Variants in NAALADL2 observed in about 807,000 individuals in gnomAD.
NAALADL2 encodes the protein inactive N-acetylated-alpha-linked acidic dipeptidase-like protein 2.
Under a neutral mutation model 87.2 loss-of-function variants are expected in NAALADL2, and 76 were observed. The observed-to-expected ratio is 0.87, with a 90% CI of 0.72 to 1.05. The LOEUF is 1.05. Ranked by LOEUF, NAALADL2 falls within the 50% of genes least tolerant of loss-of-function variation. NAALADL2 has a pLI of 0.00. For synonymous variants in NAALADL2, 354 were observed against 331.0 expected, an observed-to-expected ratio of 1.07 and a Z score of -0.75; for missense variants, 1,089 against 945.8, an observed-to-expected ratio of 1.15 and a Z score of -1.99.
At chr3:174,671,101 A>G (rs757338156) in intron 2 of NAALADL2, among the ~76,000 whole-genome samples, 1 of 152,092 alleles carries the variant, frequency 6.6e-6, no homozygotes, top group Non-Finnish European at 1.5e-5. Flanking sequence ...TGCCAGCGTC[A>G]TGCTTTCTGT....
intron 5 of NAALADL2, among the ~76,000 whole-genome samples, chr3:175,433,672 A>G (rs1718151242): frequency 6.6e-6 from 1 of 152,016 alleles, no homozygotes; most frequent in African/African-American, 2.4e-5. Context: ...GCAAAGCATT[A>G]CCTTAGACTT....
chr3:174,828,094 G>T (rs1169843193), intron 3 of NAALADL2, among the ~76,000 whole-genome samples: 2 of 152,158 alleles, frequency 1.3e-5, no homozygotes, highest in South Asian at 2.1e-4. Flanking sequence ...GAGGCCAAAG[G>T]ATTGCTTGAG....
intron 9 of NAALADL2, among the ~76,000 whole-genome samples, chr3:175,504,565 T>TTCTCTCTCTCTC (rs200985901): frequency 3.0e-5 from 4 of 134,424 alleles, no homozygotes; most frequent in Non-Finnish European, 4.8e-5. Context: ...CTCTCTCTGT[T>TTCTCTCTCTCTC]TCTCTCTCTC....
chr3:175,793,842 A>T (rs1263931109), intron 13 of NAALADL2, among the ~76,000 whole-genome samples: 1 of 152,194 alleles, frequency 6.6e-6, no homozygotes, highest in East Asian at 1.9e-4. Context: ...CTCATATTAG[A>T]TGTTTAATAA....
At chr3:175,275,607 A>G (rs1753477621) in intron 4 of NAALADL2, among the ~76,000 whole-genome samples, 1 of 152,084 alleles carries the variant, frequency 6.6e-6, no homozygotes, top group African/African-American at 2.4e-5. Flanking sequence ...TATTATGACA[A>G]ATTTTAGCCA....
At chr3:174,956,946 A>C (rs1040630579) in intron 1 of NAALADL2, among the ~76,000 whole-genome samples, 9 of 151,986 alleles carry the variant, frequency 5.9e-5, no homozygotes, top group Admixed American at 1.3e-4. Flanking sequence ...GACACAAGCC[A>C]TTCTCCTCCT....
At chr3:174,490,252 A>G (rs1196322776) in intron 1 of NAALADL2, among the ~76,000 whole-genome samples, 1 of 152,166 alleles carries the variant, frequency 6.6e-6, no homozygotes, top group Non-Finnish European at 1.5e-5. Flanking sequence ...GATACGTATT[A>G]CAACACAAAT....
chr3:175,019,123 A>G (rs891710110), intron 1 of NAALADL2, among the ~76,000 whole-genome samples: 1 of 151,938 alleles, frequency 6.6e-6, no homozygotes, highest in Non-Finnish European at 1.5e-5. Flanking sequence ...TTATTTTGTG[A>G]TTCATACTTT....
chr3:174,888,969 T>G (rs1730544053), intron 1 of NAALADL2, among the ~76,000 whole-genome samples: 1 of 152,178 alleles, frequency 6.6e-6, no homozygotes, highest in African/African-American at 2.4e-5. Flanking sequence ...TTGTCATTGT[T>G]TCCTATAATA....
At chr3:175,369,463 C>T (rs1176958999) in intron 5 of NAALADL2, 1 of 147,398 alleles carries the variant, frequency 6.8e-6, no homozygotes, top group Non-Finnish European at 1.5e-5. Flanking sequence ...TTACATACAC[C>T]TGATATGTGC....
At chr3:174,460,607 G>A (rs1228205978) in intron 1 of NAALADL2, among the ~76,000 whole-genome samples, 11 of 149,726 alleles carry the variant, frequency 7.3e-5, no homozygotes, top group South Asian at 2.1e-4. Flanking sequence ...TTTTTCTTAC[G>A]GTTTTGAAAC....
chr3:175,007,150 T>TAA lies in NAALADL2; in HGVS notation c.44-89620_44-89619dup, dbSNP rs397877957. On this transcript the variant is annotated intron_variant, in intron 1 of 13. Coordinates refer to ENST00000454872, the MANE Select transcript of NAALADL2 (RefSeq NM_207015.3). ...TGCCTAATTAATTTCTTTTATAGGA[T>TAA]AAAAAAAAAAAAAAAAAAAAAGCTA... Among the ~76,000 whole-genome samples the TAA allele has an allele frequency of 5.9e-3, 415 of 70,278 alleles. 6 individuals are homozygous for TAA. The highest frequency in any genetic ancestry group is 0.014 in the African/African-American group (368 of 26,760). 46.1% of individuals were successfully genotyped at this position (70,278 alleles called of 152,430 possible). A position where few individuals can be genotyped will look rare whatever the true frequency, so the allele number is the denominator to read the frequency against.
chr3:175,173,627 C>T (rs1386395838), intron 2 of NAALADL2, among the ~76,000 whole-genome samples: 1 of 152,204 alleles, frequency 6.6e-6, no homozygotes, highest in Non-Finnish European at 1.5e-5. Context: ...CTTACTGGGC[C>T]ATCTACTGGT....
chr3:175,155,461 A>G (rs1337042201), intron 2 of NAALADL2, among the ~76,000 whole-genome samples: 1 of 152,086 alleles, frequency 6.6e-6, no homozygotes, highest in Admixed American at 6.6e-5. Flanking sequence ...CCACAGCAAA[A>G]CTAGTTCAGG....
At chr3:175,482,775 G>T (rs1726685564) in intron 9 of NAALADL2, among the ~76,000 whole-genome samples, 2 of 151,416 alleles carry the variant, frequency 1.3e-5, no homozygotes, top group Non-Finnish European at 3.0e-5. Context: ...TTCTGATATT[G>T]GTCTGGAAAA....
intron 5 of NAALADL2, among the ~76,000 whole-genome samples, chr3:175,383,699 C>G (rs1768047232): frequency 6.6e-6 from 1 of 152,032 alleles, no homozygotes; most frequent in Non-Finnish European, 1.5e-5. Flanking sequence ...AATGTTCTTC[C>G]TCTCCTACAC....
chr3:175,165,267 T>C (rs1367791563), intron 2 of NAALADL2, among the ~76,000 whole-genome samples: 3 of 152,130 alleles, frequency 2.0e-5, no homozygotes, highest in Non-Finnish European at 4.4e-5. Flanking sequence ...TACTGGACCA[T>C]GAACTTCTTG....
intron 11 of NAALADL2, among the ~76,000 whole-genome samples, chr3:175,695,153 T>A (rs116619540): frequency 6.6e-6 from 1 of 152,136 alleles, no homozygotes; most frequent in African/African-American, 2.4e-5. Context: ...AGTAATCTTT[T>A]TTAATTATAC....
chr3:175,077,823 G>A (rs1302542425), intron 1 of NAALADL2, among the ~76,000 whole-genome samples: 1 of 151,836 alleles, frequency 6.6e-6, no homozygotes, highest in African/African-American at 2.4e-5. Context: ...GCATGTATAC[G>A]GAAAAAGAAG....
Sources: allele counts gnomAD v4.1 joint callset (sites outside exome capture counted in the v4.1 genomes callset), GRCh38; gene constraint gnomAD v4.1.1; transcripts MANE v1.5; gene names NCBI Gene and HGNC (gene_info 2026-07-23, HGNC 2026-07-21).